Variants in DNAH9 observed in about 807,000 individuals in gnomAD.
The protein encoded by DNAH9 is dynein axonemal heavy chain 9.
Under a neutral mutation model 471.6 loss-of-function variants are expected in DNAH9, and 345 were observed. That is an observed-to-expected ratio of 0.73 (90% CI 0.67 to 0.80). The LOEUF (loss-of-function observed/expected upper bound fraction) is 0.80, where lower values mean the gene tolerates loss of function less well. DNAH9 is among the 30% of genes least tolerant of loss of function. The probability of loss-of-function intolerance (pLI) is 0.00; values close to 1 mark genes in which losing one functional copy is unlikely to be tolerated. For synonymous variants in DNAH9, 2,093 were observed against 2,123.6 expected (o/e 0.99, Z 0.40); for missense variants, 5,407 against 5,609.2 (o/e 0.96, Z 1.15).
chr17:11,831,070 A>G (rs1182403268), intron 48 of DNAH9, among the ~76,000 whole-genome samples: 2 of 152,242 alleles, frequency 1.3e-5, no homozygotes, highest in African/African-American at 4.8e-5. Context: ...AATTCATATC[A>G]GAAAGAGCTG....
At chr17:11,912,269 G>A (rs755411497) in intron 61 of DNAH9, among the ~76,000 whole-genome samples, 16 of 152,026 alleles carry the variant, frequency 1.1e-4, no homozygotes, top group African/African-American at 3.9e-4. Flanking sequence ...TGCCTGCCTC[G>A]ACCTCCCAAA....
At chr17:11,675,190 A>G (rs1362080806) in intron 17 of DNAH9, among the ~76,000 whole-genome samples, 2 of 152,114 alleles carry the variant, frequency 1.3e-5, no homozygotes, top group Admixed American at 6.6e-5. Context: ...TTGTTCAAAT[A>G]TATTCCTCAG....
intron 50 of DNAH9, among the ~76,000 whole-genome samples, chr17:11,862,785 G>T (rs911576586): frequency 2.6e-5 from 4 of 151,990 alleles, no homozygotes. Context: ...TGAAGCAATT[G>T]TGAATGGGGG....
At chr17:11,699,677 TA>T in intron 22 of DNAH9, 53 bp from the exon 23 acceptor site, 1 of 1,551,408 alleles carries the variant, frequency 6.4e-7, no homozygotes, top group Non-Finnish European at 8.9e-7. Context: ...ACAATTCTAA[TA>T]AGCAGCTTCC....
At chr17:11,731,506 C>T (rs901105971) in intron 28 of DNAH9, among the ~76,000 whole-genome samples, 18 of 150,414 alleles carry the variant, frequency 1.2e-4, no homozygotes, top group East Asian at 6.0e-4. Context: ...CCCATTAACT[C>T]GTCATTTACA....
At chr17:11,628,692 C>T (rs975619839) in intron 6 of DNAH9, among the ~76,000 whole-genome samples, 1 of 152,168 alleles carries the variant, frequency 6.6e-6, no homozygotes, top group Non-Finnish European at 1.5e-5. Context: ...GTCAACATCC[C>T]TTAGGATTGC....
chr17:11,781,051 A>G lies in DNAH9; in HGVS notation c.7595A>G (p.Tyr2532Cys), dbSNP rs534721550. Residue 2532 changes from tyrosine to cysteine, a missense_variant, in exon 39 of 69, where the codon TAT (tyrosine) becomes TGT (cysteine). By Grantham distance (194) the Tyr-to-Cys change is radical (BLOSUM62 -2). Coordinates refer to ENST00000262442, the MANE Select transcript of DNAH9 (RefSeq NM_001372.4). ...CTGGAAAAGAAGGCTGGCAGAAACT[A>G]TGGCCCTCCAGGGAACAAGAAACTC... is the stretch of plus-strand genomic sequence containing the variant. Reference protein sequence around the residue: ...KPLEKKAGRNYGPPGNKKLIY... With the variant: ...KPLEKKAGRNCGPPGNKKLIY... The G allele has an allele frequency of 4.3e-6, 7 of 1,614,182 alleles. No homozygotes were observed. The Admixed American group carries it at 8.3e-5, about 19-fold the overall frequency.
At chr17:11,777,107 C>T (rs572017091) in intron 38 of DNAH9, among the ~76,000 whole-genome samples, 2 of 152,314 alleles carry the variant, frequency 1.3e-5, no homozygotes, top group East Asian at 3.9e-4. Context: ...TGATATATGC[C>T]TCCTAGAATT....
At chr17:11,946,951 T>C (rs1283684524) in intron 67 of DNAH9, among the ~76,000 whole-genome samples, 6 of 152,198 alleles carry the variant, frequency 3.9e-5, no homozygotes, top group Admixed American at 2.0e-4. Flanking sequence ...ATGAAAAAGA[T>C]ATTGTTATTC....
In DNAH9 at chr17:11,769,294, C is replaced by T; in HGVS notation, c.7517C>T (p.Pro2506Leu). 6.2e-7 allele frequency: 1 copy of T among 1,613,876 alleles called. No homozygotes were observed. The highest frequency in any genetic ancestry group is 8.5e-7 in the Non-Finnish European group (1 of 1,179,932). Reference sequence around the variant, plus strand: ...GAGGCATACCTGGTGAAAAACGTGCCATTCAACTACTACACCACGTCAGCA... The same window carrying T: ...GAGGCATACCTGGTGAAAAACGTGCTATTCAACTACTACACCACGTCAGCA... ...DPEAYLVKNV[P>L]FNYYTTSAML... Residue 2506 changes from proline (P) to leucine (L), a missense_variant, in exon 38 of 69, where the codon CCA becomes CTA. By Grantham distance (98) the Pro-to-Leu change is moderately conservative (BLOSUM62 -3). Around this residue, in one of 3 missense-constraint regions of DNAH9, gnomAD observed 4,636 missense variants for 4,900.3 expected, o/e 0.95. Transcript: ENST00000262442.
chr17:11,623,281 C>G lies in DNAH9; in HGVS notation c.1350+3500C>G, dbSNP rs1354542922. 6.6e-5 allele frequency among the ~76,000 whole-genome samples: 10 copies of G among 151,902 alleles called. No homozygotes were observed. The highest frequency in any genetic ancestry group is 6.6e-4 in the Admixed American group (10 of 15,242). On this transcript the variant is annotated intron_variant, in intron 6 of 68. Coordinates refer to ENST00000262442, the MANE Select transcript of DNAH9 (RefSeq NM_001372.4). The surrounding 1 kb of genome is among the most constrained non-coding windows in gnomAD (Gnocchi z 4.1). ...GAGCCACCGTGCCCGGCCAGCATTT[C>G]TTTTCTTGACTGTGTTTCCCTCTCT...
At chr17:11,831,508 G>A (rs1970683465) in intron 48 of DNAH9, among the ~76,000 whole-genome samples, 1 of 151,972 alleles carries the variant, frequency 6.6e-6, no homozygotes, top group East Asian at 1.9e-4. Flanking sequence ...CTCCAACATA[G>A]GGGATCAATT....
At chr17:11,635,350 T>TG (rs2073141827) in intron 8 of DNAH9, among the ~76,000 whole-genome samples, 1 of 131,782 alleles carries the variant, frequency 7.6e-6, no homozygotes, top group Non-Finnish European at 1.7e-5. Flanking sequence ...TTTTTTTTTT[T>TG]TTTTTTTTTT....
chr17:11,745,049 C>T lies in DNAH9; in HGVS notation c.6364C>T (p.Leu2122=). 1 of 1,614,016 alleles carries T rather than the reference C, an allele frequency of 6.2e-7. No homozygotes were observed. The highest frequency in any genetic ancestry group is 8.5e-7 in the Non-Finnish European group (1 of 1,179,878). The part of the protein sequence containing the change: ...EALVRKAIVD[L]KLQAEDNFVL... ...TTTGGTTAGGAAGGCGATAGTGGAT[C>T]TGAAGCTCCAGGCTGAGGACAACTT... Residue 2122 remains leucine, a synonymous_variant, in exon 31 of 69, where the codon CTG becomes TTG. Transcript: ENST00000262442.
At chr17:11,859,406 C>T (rs11078040) in intron 50 of DNAH9, among the ~76,000 whole-genome samples, 64,864 of 122,780 alleles carry the variant, frequency 0.53, 14,980 homozygotes, top group Admixed American at 0.65. Context: ...AGCGAGACTC[C>T]GTCTCAAAAA....
intron 1 of DNAH9, among the ~76,000 whole-genome samples, chr17:11,604,312 G>A (rs1047005970): frequency 2.6e-5 from 4 of 151,994 alleles, no homozygotes; most frequent in African/African-American, 9.7e-5. Context: ...GTGAGCCGCC[G>A]CGCCCGTCCT....
intron 1 of DNAH9, among the ~76,000 whole-genome samples, chr17:11,604,883 G>GC (rs2072466635): frequency 6.6e-6 from 1 of 152,056 alleles, no homozygotes; most frequent in African/African-American, 2.4e-5. Context: ...GCCCCTTAGA[G>GC]CCTATAATCA....
intron 59 of DNAH9, among the ~76,000 whole-genome samples, chr17:11,901,733 A>G (rs1342798730): frequency 6.6e-6 from 1 of 152,190 alleles, no homozygotes; most frequent in Non-Finnish European, 1.5e-5. Flanking sequence ...AACACTAATG[A>G]TAGTTGATGA....
chr17:11,788,043 A>G (rs562378469), intron 41 of DNAH9, among the ~76,000 whole-genome samples: 3 of 152,290 alleles, frequency 2.0e-5, no homozygotes, highest in African/African-American at 7.2e-5. Flanking sequence ...ATCTCAGTGC[A>G]ACACATAACT....
Sources: gnomAD v4.1 joint callset for allele counts (sites outside exome capture counted in the v4.1 genomes callset) on GRCh38, gnomAD v4.1.1 for gene constraint, gnomAD v4.1.1 regional missense constraint, Gnocchi (gnomAD v3.1) non-coding constraint, MANE v1.5 for transcripts, NCBI Gene and HGNC (gene_info 2026-07-23, HGNC 2026-07-21) for gene names.